The following RAB43 variants were observed in gnomAD, a reference collection of about 807,000 sequenced individuals.
RAB43 encodes the protein ras-related protein Rab-43.
A neutral mutation model predicts 18.8 loss-of-function variants in RAB43; 6 were observed. That is an observed-to-expected ratio of 0.32 (90% CI 0.17 to 0.63). The LOEUF is 0.63. Among genes scored for constraint, RAB43 ranks in the 30% least tolerant of loss-of-function variants. The pLI, the probability that RAB43 is intolerant of heterozygous loss-of-function variation, is 0.79. For missense variants in RAB43, 195 were observed against 289.1 expected, an observed-to-expected ratio of 0.67 and a Z score of 2.36; for synonymous variants, 103 against 124.1, an observed-to-expected ratio of 0.83 and a Z score of 1.13.
intron 1 of RAB43, among the ~76,000 whole-genome samples, chr3:129,118,865 G>A (rs943851695): frequency 1.3e-5 from 2 of 152,192 alleles, no homozygotes; most frequent in Non-Finnish European, 2.9e-5. Context: ...ATGTGCACTT[G>A]CTTTCCACAG....
At chr3:129,105,438 G>T (rs1023591467) in intron 1 of RAB43, among the ~76,000 whole-genome samples, 3 of 150,520 alleles carry the variant, frequency 2.0e-5, no homozygotes, top group African/African-American at 7.4e-5. Flanking sequence ...GGGCAACAGA[G>T]TGAAACTTCA....
chr3:129,111,742 C>T (rs1191114060), intron 1 of RAB43, among the ~76,000 whole-genome samples: 1 of 152,046 alleles, frequency 6.6e-6, no homozygotes, highest in East Asian at 1.9e-4. Flanking sequence ...GATTTTTCTA[C>T]ATATTTCATA....
intron 1 of RAB43, among the ~76,000 whole-genome samples, chr3:129,111,634 T>C (rs1192184339): frequency 6.6e-6 from 1 of 152,046 alleles, no homozygotes; most frequent in Non-Finnish European, 1.5e-5. Context: ...GTTGAGGGCT[T>C]ATTCTGGGAA....
intron 1 of RAB43, among the ~76,000 whole-genome samples, chr3:129,098,635 A>G (rs1383174876): frequency 6.6e-6 from 1 of 152,248 alleles, no homozygotes; most frequent in East Asian, 1.9e-4. Context: ...GCGATTTTAA[A>G]TATGTTCAGA....
intron 1 of RAB43, among the ~76,000 whole-genome samples, chr3:129,108,434 A>G (rs905740328): frequency 6.6e-6 from 1 of 152,242 alleles, no homozygotes; most frequent in African/African-American, 2.4e-5. Context: ...ATAGCATTGC[A>G]TGCTAATTAC....
chr3:129,101,724 T>C (rs545975733), intron 1 of RAB43, among the ~76,000 whole-genome samples: 1 of 152,292 alleles, frequency 6.6e-6, no homozygotes, highest in South Asian at 2.1e-4. Context: ...AGGAGACACG[T>C]TCAGAGACAT....
intron 1 of RAB43, among the ~76,000 whole-genome samples, chr3:129,103,019 C>A (rs1934526880): frequency 6.6e-6 from 1 of 152,214 alleles, no homozygotes; most frequent in Non-Finnish European, 1.5e-5. Flanking sequence ...GGGGTCCCGG[C>A]CATCTCACTC....
intron 1 of RAB43, among the ~76,000 whole-genome samples, chr3:129,097,610 G>A (rs545482554): frequency 9.9e-5 from 15 of 152,240 alleles, no homozygotes; most frequent in African/African-American, 3.6e-4. Flanking sequence ...AACTGAAAAG[G>A]GAGGCAAAGG....
In RAB43 at chr3:129,121,293, C is replaced by T; in HGVS notation, c.197G>A (p.Arg66Gln). The T allele has an allele frequency of 1.2e-6, 2 of 1,605,086 alleles. No homozygotes were observed. The highest frequency in any genetic ancestry group is 1.7e-6 in the Non-Finnish European group (2 of 1,176,304). The change falls in exon 1 of 3, where the codon CGG becomes CAG. Residue 66 changes from arginine (R) to glutamine (Q), a missense_variant. Physicochemically the swap from Arg to Gln is conservative, Grantham distance 43 (BLOSUM62 1). Transcript: ENST00000315150. ...CCCTGGCCGGCCTCCCACCTTGACC[C>T]GCTTGCCCTGGATCTCCAGCGTCTT... is the stretch of plus-strand genomic sequence containing the variant. The part of the protein sequence containing the change: ...TMKTLEIQGK[R>Q]VKLQIWDTAG...
At chr3:129,114,924 T>A (rs1935422802) in intron 1 of RAB43, among the ~76,000 whole-genome samples, 1 of 152,102 alleles carries the variant, frequency 6.6e-6, no homozygotes, top group Admixed American at 6.5e-5. Flanking sequence ...TGAAGTGACT[T>A]GTTTACGGTC....
rs1934871942 is a variant in RAB43, at chr3:129,107,668, T to C, written c.205-12499A>G. Among the ~76,000 whole-genome samples, 1 of 152,130 alleles carries C rather than the reference T, an allele frequency of 6.6e-6. No individual in the cohort carries two copies. The highest frequency in any genetic ancestry group is 2.1e-4 in the South Asian group (1 of 4,826). ...GCCAGTGTCCCTGGTAGACAGCCTC[T>C]TGGAGCCCTCACAGCCTCCACAAGA... On this transcript the variant is annotated intron_variant, in intron 1 of 2. Coordinates refer to ENST00000315150, the MANE Select transcript of RAB43 (RefSeq NM_198490.3). The surrounding 1 kb of genome is among the most constrained non-coding windows in gnomAD (Gnocchi z 4.2).
intron 1 of RAB43, among the ~76,000 whole-genome samples, chr3:129,116,520 G>C (rs1233411071): frequency 6.6e-6 from 1 of 152,216 alleles, no homozygotes; most frequent in Non-Finnish European, 1.5e-5. Flanking sequence ...TGATTGGAAG[G>C]ACTGTGAATG....
In RAB43 at chr3:129,121,339, T is replaced by C; in HGVS notation, c.151A>G (p.Ile51Val). The C allele has an allele frequency of 1.2e-6, 2 of 1,610,672 alleles. No individual in the cohort carries two copies. The highest frequency in any genetic ancestry group is 1.7e-5 in the Admixed American group (1 of 59,440). ...GAFSERQGST[I>V]GVDFTMKTLE... is the part of the protein sequence containing the mutation. ...GTCTTCATGGTGAAGTCGACGCCGA[T>C]GGTGCTTCCCTGGCGCTCCGAGAAG... The change falls in exon 1 of 3, where the codon ATC becomes GTC. Residue 51 changes from isoleucine (I) to valine (V), a missense_variant. Transcript: ENST00000315150.
At chr3:129,118,088 T>C (rs978690392) in intron 1 of RAB43, among the ~76,000 whole-genome samples, 1 of 152,166 alleles carries the variant, frequency 6.6e-6, no homozygotes, top group Admixed American at 6.5e-5. Flanking sequence ...ACCTGAATGA[T>C]GAAGTAGCAG....
rs140785177 is a variant in RAB43, at chr3:129,112,483, C to T, written c.204+8803G>A. 7.1e-3 allele frequency among the ~76,000 whole-genome samples: 1,077 copies of T among 152,266 alleles called. 8 individuals carry two copies. Among genetic ancestry groups the T allele is most frequent in the South Asian group, 0.014 (67 of 4,826 alleles). On this transcript the variant is annotated intron_variant, in intron 1 of 2. Coordinates refer to ENST00000315150, the MANE Select transcript of RAB43 (RefSeq NM_198490.3). ...CTGAGATCACCCAGTCTCACTTCAT[C>T]ACGCAACAGTGAGGAAACTGATGCA...
At chr3:129,119,478 C>CTCCATCCTGTGTGAGCCTG (rs1935765208) in intron 1 of RAB43, among the ~76,000 whole-genome samples, 1 of 152,198 alleles carries the variant, frequency 6.6e-6, no homozygotes, top group South Asian at 2.1e-4. Context: ...CACTTCTTAG[C>CTCCATCCTGTGTGAGCCTG]TGTGTGCCCA....
chr3:129,106,456 C>T (rs1006926999), intron 1 of RAB43, among the ~76,000 whole-genome samples: 1 of 152,208 alleles, frequency 6.6e-6, no homozygotes, highest in African/African-American at 2.4e-5. Context: ...ATGCTGTGGT[C>T]CTCCAGGGAA....
At chr3:129,105,178 G>A (rs1367954295) in intron 1 of RAB43, among the ~76,000 whole-genome samples, 1 of 152,202 alleles carries the variant, frequency 6.6e-6, no homozygotes, top group African/African-American at 2.4e-5. Flanking sequence ...CCACCCTTCT[G>A]CCGGCCAAAC....
rs764635359 is a variant in RAB43 at position 129,095,932 on chromosome 3, C to T, written c.205-763G>A. On this transcript the variant is annotated intron_variant, in intron 1 of 2. Transcript: ENST00000315150. The surrounding 1 kb of genome is among the most constrained non-coding windows in gnomAD (Gnocchi z 4.2). ...GGCCAGGTAGGGGCAGAGGTCTGTGCGGGGCCAGGAGGCTGCCCACTCTGG... is the reference window on the plus strand; with the variant it reads ...GGCCAGGTAGGGGCAGAGGTCTGTGTGGGGCCAGGAGGCTGCCCACTCTGG... Among the ~76,000 whole-genome samples the T allele has an allele frequency of 1.3e-5, 2 of 152,142 alleles. No individual in the cohort carries two copies. Among genetic ancestry groups the T allele is most frequent in the African/African-American group, 2.4e-5 (1 of 41,444 alleles).
Sources: allele counts gnomAD v4.1 joint callset (sites outside exome capture counted in the v4.1 genomes callset), GRCh38; gene constraint gnomAD v4.1.1; non-coding constraint Gnocchi (gnomAD v3.1); transcripts MANE v1.5; gene names NCBI Gene and HGNC (gene_info 2026-07-23, HGNC 2026-07-21).